CRHR1: variants seen among roughly 807,000 people sequenced by gnomAD.
CRHR1 encodes corticotropin releasing hormone receptor 1, also known as corticotropin-releasing hormone receptor 1.
CRHR1 carries 28 observed loss-of-function variants against 56.0 expected under a neutral mutation model. That is an observed-to-expected ratio of 0.50 (90% CI 0.37 to 0.69). CRHR1 has a LOEUF of 0.69. Among genes scored for constraint, CRHR1 ranks in the 30% least tolerant of loss-of-function variants. CRHR1 has a pLI of 0.00. For synonymous variants in CRHR1, 195 were observed against 216.5 expected, an observed-to-expected ratio of 0.90 and a Z score of 0.87; for missense variants, 376 against 548.0, an observed-to-expected ratio of 0.69 and a Z score of 3.13.
intron 3 of CRHR1, among the ~76,000 whole-genome samples, chr17:45,817,556 T>C (rs2061954429): frequency 6.6e-6 from 1 of 152,232 alleles, no homozygotes; most frequent in African/African-American, 2.4e-5. Flanking sequence ...GCTTCTAAGA[T>C]GTCTTCCAGC....
chr17:45,805,134 A>G (rs2061695904), intron 1 of CRHR1, among the ~76,000 whole-genome samples: 1 of 151,992 alleles, frequency 6.6e-6, no homozygotes, highest in African/African-American at 2.4e-5. Flanking sequence ...ATCATTACTG[A>G]CTTTTTCCCT....
chr17:45,829,303 T>C lies in CRHR1; in HGVS notation c.416T>C (p.Val139Ala), dbSNP rs781182261. 6.2e-7 allele frequency: 1 copy of C among 1,613,936 alleles called. No homozygotes were observed. The highest frequency in any genetic ancestry group is 2.2e-5 in the East Asian group (1 of 44,882). ...CTGGTGGCCCTCCTGGTGGCCTTTG[T>C]CCTCTTTCTGCGGCTCAGGTGAGAA... ...ISLVALLVAF[V>A]LFLRLRSIRC... is the part of the protein sequence containing the mutation. Residue 139 changes from valine to alanine, a missense_variant, in exon 5 of 13, where the codon GTC becomes GCC. Val to Ala is a moderately conservative substitution (Grantham distance 64). Coordinates refer to ENST00000314537, the MANE Select transcript of CRHR1 (RefSeq NM_004382.5).
At chr17:45,831,020 C>T (rs1429732848) in intron 8 of CRHR1, 80 bp downstream of exon 8, 1 of 1,377,504 alleles carries the variant, frequency 7.3e-7, no homozygotes, top group Non-Finnish European at 1.0e-6. Context: ...CGGGCATTGG[C>T]CATGCTGGCT....
In CRHR1 at chr17:45,830,205, G is replaced by A; in HGVS notation, c.546G>A (p.Gln182=). The A allele has an allele frequency of 6.2e-7, 1 of 1,614,118 alleles. No individual in the cohort carries two copies. Among genetic ancestry groups the A allele is most frequent in the Non-Finnish European group, 8.5e-7 (1 of 1,180,014 alleles). ...TAACCATGAGCCCCGAGGTCCACCA[G>A]AGCAACGTGGTACGTCCTGGCAGGG... ...VQLTMSPEVH[Q]SNVGWCRLVT... Residue 182 remains glutamine, a synonymous_variant, in exon 6 of 13, where the codon CAG becomes CAA. Transcript: ENST00000314537.
intron 1 of CRHR1, among the ~76,000 whole-genome samples, chr17:45,795,379 C>T (rs975745859): frequency 1.3e-5 from 2 of 152,218 alleles, no homozygotes; most frequent in Non-Finnish European, 2.9e-5. Context: ...AGCATTGAAA[C>T]CCTCCAACCC....
intron 1 of CRHR1, among the ~76,000 whole-genome samples, chr17:45,794,861 C>T (rs548683502): frequency 4.6e-5 from 7 of 152,374 alleles, no homozygotes; most frequent in Admixed American, 1.3e-4. Context: ...GCCCAGGACC[C>T]GGCTCTGCCT....
chr17:45,804,108 TTTAA>T (rs2061677259), intron 1 of CRHR1, among the ~76,000 whole-genome samples: 1 of 152,206 alleles, frequency 6.6e-6, no homozygotes, highest in Non-Finnish European at 1.5e-5. Flanking sequence ...GACTGTGAAG[TTTAA>T]TTACTGATTA....
chr17:45,819,056 G>C (rs1178506318), intron 3 of CRHR1, among the ~76,000 whole-genome samples: 1 of 152,146 alleles, frequency 6.6e-6, no homozygotes, highest in African/African-American at 2.4e-5. Flanking sequence ...CACATGTCAA[G>C]GGGGGCAAGG....
Position 45,829,229 on chromosome 17 carries a change from G to C in CRHR1, c.342G>C (p.Val114=). The C allele has an allele frequency of 1.2e-6, 2 of 1,613,952 alleles. No individual in the cohort carries two copies. Among genetic ancestry groups the C allele is most frequent in the East Asian group, 4.5e-5 (2 of 44,874 alleles). Residue 114 remains valine, a synonymous_variant, in exon 5 of 13, where the codon GTG becomes GTC. Coordinates refer to ENST00000314537, the MANE Select transcript of CRHR1 (RefSeq NM_004382.5). The stretch of plus-strand genomic sequence containing the variant: ...TCCTGCTCCAGAAAAAAAGCAAGGT[G>C]CACTACCATGTCGCAGTCATCATCA... ...EILNEEKKSK[V]HYHVAVIINY... is the part of the protein sequence containing the mutation.
intron 3 of CRHR1, among the ~76,000 whole-genome samples, chr17:45,817,366 C>A (rs1161330989): frequency 6.6e-6 from 1 of 152,138 alleles, no homozygotes; most frequent in Admixed American, 6.5e-5. Flanking sequence ...GCAATTGGGG[C>A]CTCCTGTGTG....
intron 1 of CRHR1, among the ~76,000 whole-genome samples, chr17:45,797,615 C>A (rs1364892306): frequency 2.6e-5 from 4 of 152,040 alleles, no homozygotes; most frequent in Non-Finnish European, 5.9e-5. Flanking sequence ...TTGAATCTCT[C>A]CAGGAGCTTT....
intron 8 of CRHR1, among the ~76,000 whole-genome samples, chr17:45,832,069 C>CAAAAAAACAAA (rs67655301): frequency 3.4e-4 from 51 of 150,764 alleles, no homozygotes; most frequent in African/African-American, 1.2e-3. Context: ...AAAAAAAAAA[C>CAAAAAAACAAA]AAAAAAACAA....
intron 2 of CRHR1, among the ~76,000 whole-genome samples, chr17:45,813,148 A>C (rs375183859): frequency 2.5e-3 from 374 of 152,330 alleles, no homozygotes; most frequent in African/African-American, 6.1e-3. Context: ...CCCACAAGGC[A>C]GTCCCAGGCC....
At chr17:45,809,225 A>G (rs1349878351) in intron 2 of CRHR1, among the ~76,000 whole-genome samples, 1 of 152,188 alleles carries the variant, frequency 6.6e-6, no homozygotes, top group Non-Finnish European at 1.5e-5. Flanking sequence ...AGAAGGTGCT[A>G]GGAGCCCAGA....
rs376749725 is a variant in CRHR1, at chr17:45,823,582, A to G, written c.327+2142A>G. Among the ~76,000 whole-genome samples the G allele has an allele frequency of 1.2e-3, 187 of 152,040 alleles. 1 individual carries two copies. Among genetic ancestry groups the G allele is most frequent in the African/African-American group, 4.4e-3 (182 of 41,478 alleles). Reference sequence around the variant, plus strand: ...ACCACCATGCTGGGCTAATTTTTGTATTTTTGGCAGTTAAGTCAGAGCCCG... The same window carrying G: ...ACCACCATGCTGGGCTAATTTTTGTGTTTTTGGCAGTTAAGTCAGAGCCCG... On this transcript the variant is annotated intron_variant, in intron 4 of 12. Transcript: ENST00000314537.
At position 45,830,500 on chromosome 17, in the gene CRHR1, G is replaced by A. The variant is rs778224446; in HGVS notation, c.639G>A (p.Leu213=). The A allele has an allele frequency of 1.9e-6, 3 of 1,613,632 alleles. No homozygotes were observed. The highest frequency in any genetic ancestry group is 8.5e-7 in the Non-Finnish European group (1 of 1,179,982). Residue 213 remains leucine, a synonymous_variant, in exon 7 of 13, where the codon CTG becomes CTA. Transcript: ENST00000314537. ...GGATGTTCGGCGAGGGCTGCTACCT[G>A]CACACAGCCATCGTGCTCACCTACT... ...FFWMFGEGCY[L]HTAIVLTYST...
intron 1 of CRHR1, among the ~76,000 whole-genome samples, chr17:45,788,586 G>A (rs2061375040): frequency 6.6e-6 from 1 of 152,192 alleles, no homozygotes; most frequent in Non-Finnish European, 1.5e-5. Flanking sequence ...GGAGGTTGAG[G>A]TAAGGACAAA....
At position 45,835,001 on chromosome 17, in the gene CRHR1, C is replaced by T. The variant is rs1286294677; in HGVS notation, c.*237C>T. The T allele has an allele frequency of 7.0e-6, 4 of 568,794 alleles. No homozygotes were observed. In the East Asian group the frequency reaches 1.1e-4, roughly 16 times the overall value. The allele number at this position is 568,794 out of a possible 1,614,324, so 35.2% of individuals were successfully genotyped here. A position where few individuals can be genotyped will look rare whatever the true frequency, so the allele number is the denominator to read the frequency against. On this transcript the variant is annotated 3_prime_UTR_variant, in exon 13 of 13. Coordinates refer to ENST00000314537, the MANE Select transcript of CRHR1 (RefSeq NM_004382.5). ...GGGCCCAGGGCCTCTGGCTTCCCTGCCCAATCCTCCCTGGAGAAGGGACAT... is the reference window on the plus strand; with the variant it reads ...GGGCCCAGGGCCTCTGGCTTCCCTGTCCAATCCTCCCTGGAGAAGGGACAT...
In CRHR1 at chr17:45,833,777, C is replaced by T. The variant is rs895853740; in HGVS notation, c.993C>T (p.Phe331=). Residue 331 remains phenylalanine (F), a synonymous_variant, in exon 11 of 13, where the codon TTC becomes TTT. Coordinates refer to ENST00000314537, the MANE Select transcript of CRHR1 (RefSeq NM_004382.5). ...PLLGITYMLF[F]VNPGEDEVSR... is the part of the protein sequence containing the mutation. The stretch of plus-strand genomic sequence containing the variant: ...TGGGCATCACCTACATGCTGTTCTT[C>T]GTCAATCCCGGGGAGGATGAGGTCT... The T allele has an allele frequency of 1.1e-5, 17 of 1,580,584 alleles. No individual in the cohort carries two copies. Among genetic ancestry groups the T allele is most frequent in the Non-Finnish European group, 1.5e-5 (17 of 1,160,192 alleles).
Sources: gnomAD v4.1 joint callset for allele counts (sites outside exome capture counted in the v4.1 genomes callset) on GRCh38, gnomAD v4.1.1 for gene constraint, MANE v1.5 for transcripts, NCBI Gene and HGNC (gene_info 2026-07-23, HGNC 2026-07-21) for gene names.